Variants in ANKRD11 observed in about 807,000 individuals in gnomAD.
ANKRD11 encodes ankyrin repeat domain 11, also known as ankyrin repeat domain-containing protein 11.
In ANKRD11, 17 loss-of-function variants were observed where a neutral mutation model predicts 195.7. That is an observed-to-expected ratio of 0.09 (90% CI 0.06 to 0.13). The LOEUF is 0.13. Among genes scored for constraint, ANKRD11 ranks in the 10% least tolerant of loss-of-function variants. The pLI, the probability that ANKRD11 is intolerant of heterozygous loss-of-function variation, is 1.00. For synonymous variants in ANKRD11, 1,953 were observed against 1,528.1 expected (o/e 1.28, Z -6.49); for missense variants, 3,735 against 3,566.1 (o/e 1.05, Z -1.21).
intron 2 of ANKRD11, among the ~76,000 whole-genome samples, chr16:89,332,384 C>T (rs572980063): frequency 1.3e-5 from 2 of 152,280 alleles, no homozygotes; most frequent in Non-Finnish European, 2.9e-5. Context: ...AAACACTGAG[C>T]CCCCCAAGTC....
At chr16:89,437,166 G>C (rs183188187) in intron 1 of ANKRD11, among the ~76,000 whole-genome samples, 3 of 152,276 alleles carry the variant, frequency 2.0e-5, no homozygotes, top group Middle Eastern at 3.4e-3. Context: ...CACTGAAAGC[G>C]CAGCACACAC....
intron 2 of ANKRD11, among the ~76,000 whole-genome samples, chr16:89,386,286 T>A (rs573634547): frequency 1.3e-5 from 2 of 152,124 alleles, no homozygotes; most frequent in African/African-American, 2.4e-5. Flanking sequence ...TTTTTTTTTT[T>A]AAAGCTTGAT....
At position 89,326,795 on chromosome 16, in the gene ANKRD11, T is replaced by C. The variant is rs868315226; in HGVS notation, c.-59-9717A>G. Among the ~76,000 whole-genome samples, 12 of 152,244 alleles carry C rather than the reference T, an allele frequency of 7.9e-5. No individual in the cohort carries two copies. The Middle Eastern group carries it at 0.01, about 129-fold the overall frequency. On this transcript the variant is annotated intron_variant, in intron 2 of 12. Coordinates refer to ENST00000301030, the MANE Select transcript of ANKRD11 (RefSeq NM_013275.6). Reference sequence around the variant, plus strand: ...ACACAACCGGGGCATGAAAAAGTGCTTGGCCCAGAGCAGTGCCCCAAAGCA... The same window carrying C: ...ACACAACCGGGGCATGAAAAAGTGCCTGGCCCAGAGCAGTGCCCCAAAGCA...
chr16:89,446,037 TCCTG>T lies in ANKRD11; in HGVS notation c.-144-27673_-144-27670del, dbSNP rs1178536556. ...AAAAAAAAACCAGCCTAGTATATGTTCCTGCCTAAGAGAATATGAAGCTTTGTTT... is the reference window on the plus strand; with the variant it reads ...AAAAAAAAACCAGCCTAGTATATGTTCCTAAGAGAATATGAAGCTTTGTTT... On this transcript the variant is annotated intron_variant, in intron 1 of 12. Coordinates refer to ENST00000301030, the MANE Select transcript of ANKRD11 (RefSeq NM_013275.6). Among the ~76,000 whole-genome samples, 29 of 151,734 alleles carry T rather than the reference TCCTG, an allele frequency of 1.9e-4. No individual in the cohort carries two copies. In the East Asian group the frequency reaches 5.4e-3, roughly 28 times the overall value.
intron 2 of ANKRD11, among the ~76,000 whole-genome samples, chr16:89,351,078 T>C (rs897717428): frequency 3.3e-5 from 5 of 152,146 alleles, no homozygotes; most frequent in Non-Finnish European, 5.9e-5. Flanking sequence ...AATTGATGCA[T>C]TCCAAAGTAT....
intron 12 of ANKRD11, among the ~76,000 whole-genome samples, chr16:89,269,349 G>A (rs2032929313): frequency 6.6e-6 from 1 of 152,098 alleles, no homozygotes; most frequent in Admixed American, 6.6e-5. Context: ...TGCGATGTTG[G>A]CGAGCTGCAG....
At chr16:89,334,231 T>C (rs1009476927) in intron 2 of ANKRD11, among the ~76,000 whole-genome samples, 1 of 143,938 alleles carries the variant, frequency 6.9e-6, no homozygotes, top group African/African-American at 2.6e-5. Flanking sequence ...CTCAGGACAA[T>C]GTCTGATGCC....
intron 2 of ANKRD11, among the ~76,000 whole-genome samples, chr16:89,322,937 G>A (rs2037423261): frequency 6.6e-6 from 1 of 152,230 alleles, no homozygotes; most frequent in Non-Finnish European, 1.5e-5. Context: ...TCCGCCTCCT[G>A]GGCTCAAGCT....
chr16:89,309,359 G>A (rs2036482868), intron 3 of ANKRD11, among the ~76,000 whole-genome samples: 1 of 152,182 alleles, frequency 6.6e-6, no homozygotes, highest in African/African-American at 2.4e-5. Flanking sequence ...CAGAAGTCAG[G>A]GCAGAGGTGA....
chr16:89,432,622 A>G (rs1287492880), intron 1 of ANKRD11, among the ~76,000 whole-genome samples: 1 of 152,052 alleles, frequency 6.6e-6, no homozygotes, highest in East Asian at 1.9e-4. Context: ...CAAATTCTCT[A>G]CGGAGATATG....
chr16:89,303,945 C>G (rs1474775594), intron 4 of ANKRD11, among the ~76,000 whole-genome samples: 1 of 152,226 alleles, frequency 6.6e-6, no homozygotes, highest in Non-Finnish European at 1.5e-5. Context: ...ACGCCTTGTG[C>G]TATGGCTGCA....
intron 4 of ANKRD11, among the ~76,000 whole-genome samples, chr16:89,303,460 C>T (rs1209218572): frequency 1.3e-5 from 2 of 152,186 alleles, no homozygotes; most frequent in African/African-American, 2.4e-5. Flanking sequence ...CCCATCCACA[C>T]ATTCTGTCCA....
intron 2 of ANKRD11, among the ~76,000 whole-genome samples, chr16:89,380,885 A>G (rs2152104311): frequency 6.6e-6 from 1 of 152,344 alleles, no homozygotes; most frequent in South Asian, 2.1e-4. Context: ...AATGCAGCTC[A>G]GAGGTCGTGG....
chr16:89,317,122 T>G lies in ANKRD11; in HGVS notation c.-59-44A>C, dbSNP rs150341678. 5.6e-6 allele frequency: 7 copies of G among 1,249,132 alleles called. No individual in the cohort carries two copies. In the African/African-American group the frequency reaches 8.9e-5, roughly 16 times the overall value. 77.4% of individuals were successfully genotyped at this position (1,249,132 alleles called of 1,614,324 possible). A position where few individuals can be genotyped will look rare whatever the true frequency, so the allele number is the denominator to read the frequency against. On this transcript the variant is annotated intron_variant, in intron 2 of 12. Coordinates refer to ENST00000301030, the MANE Select transcript of ANKRD11 (RefSeq NM_013275.6). ...ACAATTCACTGAATTCAGAGGCAGC[T>G]CAAAACTCATCCACTCTCACACCGC...
Position 89,281,232 on chromosome 16 carries a change from C to G in ANKRD11, c.5310G>C (p.Gly1770=). The G allele has an allele frequency of 3.7e-6, 6 of 1,614,168 alleles. No individual in the cohort carries two copies. Among genetic ancestry groups the G allele is most frequent in the Non-Finnish European group, 5.1e-6 (6 of 1,180,026 alleles). Residue 1770 remains glycine (G), a synonymous_variant, in exon 9 of 13, where the codon GGG becomes GGC. Coordinates refer to ENST00000301030, the MANE Select transcript of ANKRD11 (RefSeq NM_013275.6). This position sits in a 1 kb window ranked among gnomAD's most constrained non-coding sequence, Gnocchi z 5.5. ...GAGCCTGGCTGGCGTTTTCCGAAAG[C>G]CCACTTGAAGCCACGGAGAACCTGT... is the stretch of plus-strand genomic sequence containing the variant. ...FFDRFSVASS[G]LSENASQAPA...
At chr16:89,396,103 A>T (rs140023359) in intron 2 of ANKRD11, 5 of 152,352 alleles carry the variant, frequency 3.3e-5, no homozygotes, top group African/African-American at 1.2e-4. Flanking sequence ...CAGCCAGAAC[A>T]CCTCAACAAC....
At chr16:89,445,052 A>G (rs563661053) in intron 1 of ANKRD11, among the ~76,000 whole-genome samples, 6 of 152,162 alleles carry the variant, frequency 3.9e-5, no homozygotes, top group Non-Finnish European at 7.3e-5. Context: ...CTGGAGGCTC[A>G]GCATCCAGGT....
At chr16:89,484,210 G>GT (rs1372024109) in intron 1 of ANKRD11, among the ~76,000 whole-genome samples, 1 of 152,084 alleles carries the variant, frequency 6.6e-6, no homozygotes, top group Non-Finnish European at 1.5e-5. Context: ...GTGCTCTGGG[G>GT]TTTTTTTGGT....
At chr16:89,328,007 G>A (rs965466550) in intron 2 of ANKRD11, among the ~76,000 whole-genome samples, 12 of 152,218 alleles carry the variant, frequency 7.9e-5, no homozygotes, top group Non-Finnish European at 5.9e-5. Flanking sequence ...CTTGTATGTA[G>A]AAGAAAGAAG....
Sources: allele counts gnomAD v4.1 joint callset (sites outside exome capture counted in the v4.1 genomes callset), GRCh38; gene constraint gnomAD v4.1.1; non-coding constraint Gnocchi (gnomAD v3.1); transcripts MANE v1.5; gene names NCBI Gene and HGNC (gene_info 2026-07-23, HGNC 2026-07-21).